Variants in SSH2 observed in about 807,000 individuals in gnomAD.
The protein encoded by SSH2 is protein phosphatase Slingshot homolog 2.
SSH2 carries 37 observed loss-of-function variants against 135.2 expected under a neutral mutation model. The observed-to-expected ratio is 0.27, with a 90% CI of 0.21 to 0.36. The LOEUF is 0.36. SSH2 is among the 10% of genes least tolerant of loss of function. The pLI is 1.00. For missense variants in SSH2, 1,408 were observed against 1,765.3 expected, an observed-to-expected ratio of 0.80 and a Z score of 3.63; for synonymous variants, 628 against 646.2, an observed-to-expected ratio of 0.97 and a Z score of 0.43.
At chr17:29,658,624 T>C (rs1038361897) in intron 11 of SSH2, among the ~76,000 whole-genome samples, 2 of 152,030 alleles carry the variant, frequency 1.3e-5, no homozygotes, top group Non-Finnish European at 2.9e-5. Flanking sequence ...ATCCCAACAC[T>C]CTGGAGGCCG....
At chr17:29,686,336 A>G (rs561150465) in intron 5 of SSH2, among the ~76,000 whole-genome samples, 2 of 151,900 alleles carry the variant, frequency 1.3e-5, no homozygotes, top group East Asian at 1.9e-4. Context: ...CTCTTCTTTC[A>G]TTTGTTAATA....
intron 1 of SSH2, among the ~76,000 whole-genome samples, chr17:29,918,596 C>A (rs1329777203): frequency 6.6e-6 from 1 of 152,212 alleles, no homozygotes; most frequent in East Asian, 1.9e-4. Flanking sequence ...TGGTTCCCAG[C>A]ATATATCATG....
At chr17:29,842,665 C>T (rs921694734) in intron 2 of SSH2, among the ~76,000 whole-genome samples, 1 of 152,142 alleles carries the variant, frequency 6.6e-6, no homozygotes, top group Admixed American at 6.5e-5. Flanking sequence ...TTGAGCTATG[C>T]TTTCTTACAT....
intron 2 of SSH2, among the ~76,000 whole-genome samples, chr17:29,837,954 C>T (rs1304465187): frequency 6.6e-6 from 1 of 152,232 alleles, no homozygotes; most frequent in Admixed American, 6.5e-5. Flanking sequence ...ACCTGGGCAC[C>T]CCTGTGCTCT....
chr17:29,773,398 A>G (rs1351062706), intron 3 of SSH2, among the ~76,000 whole-genome samples: 2 of 152,200 alleles, frequency 1.3e-5, no homozygotes, highest in African/African-American at 2.4e-5. Flanking sequence ...TTTTTAAAAC[A>G]TTTTAATTTT....
intron 3 of SSH2, among the ~76,000 whole-genome samples, chr17:29,734,872 T>C (rs2040314914): frequency 6.6e-6 from 1 of 152,202 alleles, no homozygotes; most frequent in African/African-American, 2.4e-5. Flanking sequence ...AGAAAAACAT[T>C]AGCTCACATT....
chr17:29,854,598 G>A (rs556961384), intron 1 of SSH2, among the ~76,000 whole-genome samples: 1 of 151,818 alleles, frequency 6.6e-6, no homozygotes, highest in Non-Finnish European at 1.5e-5. Flanking sequence ...TTTCAAGAGT[G>A]TAAAATCTAA....
intron 3 of SSH2, among the ~76,000 whole-genome samples, chr17:29,760,436 T>C (rs9903568): frequency 0.074 from 11,270 of 152,186 alleles, 1,369 homozygotes; most frequent in African/African-American, 0.25. Context: ...TTGATAACTG[T>C]GAAGTGATAT....
chr17:29,681,576 A>AT (rs1360340168), intron 6 of SSH2, among the ~76,000 whole-genome samples: 2 of 151,630 alleles, frequency 1.3e-5, no homozygotes, highest in Non-Finnish European at 2.9e-5. Flanking sequence ...GAAAAAAAAA[A>AT]CCCCAAAAAA....
chr17:29,840,155 T>C (rs1246925719), intron 2 of SSH2, among the ~76,000 whole-genome samples: 2 of 152,156 alleles, frequency 1.3e-5, no homozygotes, highest in Admixed American at 6.5e-5. Context: ...GAGGAAAATA[T>C]ACCTCAGCAG....
intron 11 of SSH2, among the ~76,000 whole-genome samples, chr17:29,663,870 A>G (rs1312012365): frequency 2.0e-5 from 3 of 152,222 alleles, no homozygotes; most frequent in African/African-American, 7.2e-5. Context: ...ATGTGCTGTA[A>G]CAAATGTTAC....
intron 1 of SSH2, among the ~76,000 whole-genome samples, chr17:29,869,285 G>A (rs557169138): frequency 6.6e-6 from 1 of 152,150 alleles, no homozygotes; most frequent in Non-Finnish European, 1.5e-5. Flanking sequence ...AGTAATCTAG[G>A]GACTTCAGTA....
At chr17:29,920,765 T>C (rs1388518221) in intron 1 of SSH2, among the ~76,000 whole-genome samples, 2 of 152,154 alleles carry the variant, frequency 1.3e-5, no homozygotes, top group Non-Finnish European at 2.9e-5. Context: ...TCTATCCTTA[T>C]TGACGGAAAA....
chr17:29,812,238 C>A (rs1192317183), intron 2 of SSH2, among the ~76,000 whole-genome samples: 2 of 149,284 alleles, frequency 1.3e-5, no homozygotes. Context: ...GTATACAATT[C>A]AATGTTTTTA....
chr17:29,793,671 G>A (rs542650656), intron 3 of SSH2: 4 of 396,790 alleles, frequency 1.0e-5, no homozygotes, highest in Non-Finnish European at 1.4e-5. Context: ...GTCCTGATAC[G>A]TTGTCTCAAA....
At chr17:29,862,498 C>G (rs1394019091) in intron 1 of SSH2, among the ~76,000 whole-genome samples, 4 of 152,178 alleles carry the variant, frequency 2.6e-5, no homozygotes, top group African/African-American at 9.7e-5. Flanking sequence ...TCTTCACTCC[C>G]CTGAACACAT....
In SSH2 at chr17:29,648,340, G is replaced by A; in HGVS notation, c.1231C>T (p.His411Tyr). The change falls in exon 14 of 16, where the codon CAT becomes TAT. Residue 411 changes from histidine to tyrosine, a missense_variant. By Grantham distance (83) the His-to-Tyr change is moderately conservative. Transcript: ENST00000540801. Reference sequence around the variant, plus strand: ...CAGTGCACAAGGCATTTAGATCCATGTTTCCTTGTTTGGGGGATTGAGGTA... The same window carrying A: ...CAGTGCACAAGGCATTTAGATCCATATTTCCTTGTTTGGGGGATTGAGGTA... Reference protein sequence around the residue: ...TYKFISKAKKHGSKCLVHCKM... With the variant: ...TYKFISKAKKYGSKCLVHCKM... 10 of 1,599,600 alleles carry A rather than the reference G, an allele frequency of 6.3e-6. No individual in the cohort carries two copies. The highest frequency in any genetic ancestry group is 8.5e-6 in the Non-Finnish European group (10 of 1,171,350).
intron 1 of SSH2, among the ~76,000 whole-genome samples, chr17:29,870,068 C>A (rs898556217): frequency 7.9e-5 from 12 of 151,870 alleles, no homozygotes; most frequent in Non-Finnish European, 1.3e-4. Context: ...TCCCTTTGGG[C>A]CCGCAATTCT....
chr17:29,834,713 T>G (rs920677548), intron 2 of SSH2, among the ~76,000 whole-genome samples: 6 of 152,146 alleles, frequency 3.9e-5, no homozygotes, highest in Admixed American at 3.9e-4. Context: ...GTGTCAAATT[T>G]TTTACACTTA....
Sources: gnomAD v4.1 joint callset for allele counts (sites outside exome capture counted in the v4.1 genomes callset) on GRCh38, gnomAD v4.1.1 for gene constraint, MANE v1.5 for transcripts, NCBI Gene and HGNC (gene_info 2026-07-23, HGNC 2026-07-21) for gene names.